Variants in CFAP58 observed in about 807,000 individuals in gnomAD.
The protein encoded by CFAP58 is cilia and flagella associated protein 58.
Under a neutral mutation model 119.5 loss-of-function variants are expected in CFAP58, and 88 were observed. That is an observed-to-expected ratio of 0.74 (90% CI 0.62 to 0.88). CFAP58 has a LOEUF of 0.88. CFAP58 is among the 40% of genes least tolerant of loss of function. The pLI, the probability that CFAP58 is intolerant of heterozygous loss-of-function variation, is 0.00. For missense variants in CFAP58, 990 were observed against 1,021.2 expected (o/e 0.97, Z 0.42); for synonymous variants, 365 against 366.3 (o/e 1.00, Z 0.04).
At chr10:104,448,491 A>G (rs768467153) in intron 16 of CFAP58, among the ~76,000 whole-genome samples, 6 of 152,232 alleles carry the variant, frequency 3.9e-5, no homozygotes, top group Non-Finnish European at 8.8e-5. Context: ...CTAAGCAAGT[A>G]CTTAGCTATT....
At chr10:104,371,649 C>T (rs1272862432) in intron 7 of CFAP58, among the ~76,000 whole-genome samples, 2 of 152,234 alleles carry the variant, frequency 1.3e-5, no homozygotes, top group Non-Finnish European at 2.9e-5. Flanking sequence ...CGTCTCACCA[C>T]ATCTGGTGGT....
chr10:104,399,524 T>G (rs767964835), intron 12 of CFAP58, 24 bp downstream of exon 12: 1 of 1,609,732 alleles, frequency 6.2e-7, no homozygotes, highest in Non-Finnish European at 8.5e-7. Flanking sequence ...TTGTCAGACT[T>G]GCAGACCTTG....
intron 1 of CFAP58, among the ~76,000 whole-genome samples, chr10:104,355,062 T>A (rs76267156): frequency 6.6e-6 from 1 of 152,324 alleles, no homozygotes; most frequent in East Asian, 1.9e-4. Context: ...ATATCATCCA[T>A]CTTCCTCACG....
chr10:104,422,218 A>G (rs1384506195), intron 15 of CFAP58, among the ~76,000 whole-genome samples: 3 of 152,236 alleles, frequency 2.0e-5, no homozygotes, highest in Admixed American at 6.5e-5. Context: ...AAATTTTAGA[A>G]GAGCCTCTAA....
At chr10:104,396,418 G>A (rs12249786) in intron 11 of CFAP58, among the ~76,000 whole-genome samples, 179 of 101,598 alleles carry the variant, frequency 1.8e-3, no homozygotes, top group Middle Eastern at 0.013. Flanking sequence ...GAGAGAGAGA[G>A]AGAGAGAGAG....
chr10:104,428,141 C>T (rs1276941170), intron 15 of CFAP58, among the ~76,000 whole-genome samples: 1 of 152,126 alleles, frequency 6.6e-6, no homozygotes, highest in Non-Finnish European at 1.5e-5. Context: ...TGCAATGTAA[C>T]TCAAAGGGTG....
chr10:104,374,846 CAAAAAAA>C lies in CFAP58; in HGVS notation c.1091-1956_1091-1950del, dbSNP rs56074829. On this transcript the variant is annotated intron_variant, in intron 7 of 17. Coordinates refer to ENST00000369704, the MANE Select transcript of CFAP58 (RefSeq NM_001008723.2). ...TTCACAGGATTATTGCTTATAACTG[CAAAAAAA>C]AAAAAAAAGAAAAAGAAGCAACTTA... is the stretch of plus-strand genomic sequence containing the variant. 5.7e-4 allele frequency among the ~76,000 whole-genome samples: 58 copies of C among 101,514 alleles called. 1 individual carries two copies. Among genetic ancestry groups the C allele is most frequent in the African/African-American group, 2.2e-3 (58 of 26,196 alleles). 66.6% of individuals were successfully genotyped at this position (101,514 alleles called of 152,430 possible).
At chr10:104,447,900 A>C in intron 16 of CFAP58, 83 bp downstream of exon 16, 3 of 1,448,386 alleles carry the variant, frequency 2.1e-6, no homozygotes, top group Non-Finnish European at 1.8e-6. Context: ...CTGACTCCAC[A>C]CAATGAGCCA....
At chr10:104,349,470 C>T (rs1310104529), upstream of CFAP58, among the ~76,000 whole-genome samples, 1 of 152,176 alleles carries the variant, frequency 6.6e-6, no homozygotes, top group East Asian at 1.9e-4. Flanking sequence ...TTTTCCTCTT[C>T]TTGTAAGGAT....
At chr10:104,442,729 A>G (rs1260172842) in intron 15 of CFAP58, among the ~76,000 whole-genome samples, 1 of 152,232 alleles carries the variant, frequency 6.6e-6, no homozygotes, top group Non-Finnish European at 1.5e-5. Flanking sequence ...GTTTGAAACT[A>G]CTTGAACTAT....
At position 104,381,890 on chromosome 10, in the gene CFAP58, C is replaced by T. The variant is rs138299610; in HGVS notation, c.1365+1670C>T. Reference sequence around the variant, plus strand: ...GGAGCAGAGCATATTTCTCTTCTGACTTAACCATCTTAGAAGCTCCAGTGA... The same window carrying T: ...GGAGCAGAGCATATTTCTCTTCTGATTTAACCATCTTAGAAGCTCCAGTGA... On this transcript the variant is annotated intron_variant, in intron 9 of 17. Transcript: ENST00000369704. Among the ~76,000 whole-genome samples, 27 of 152,312 alleles carry T rather than the reference C, an allele frequency of 1.8e-4. No individual in the cohort carries two copies. In the East Asian group the frequency reaches 5.0e-3, roughly 28 times the overall value.
At position 104,368,456 on chromosome 10, in the gene CFAP58, C is replaced by G. The variant is rs369667665; in HGVS notation, c.826C>G (p.Gln276Glu). 4 of 1,613,920 alleles carry G rather than the reference C, an allele frequency of 2.5e-6. No individual in the cohort carries two copies. The highest frequency in any genetic ancestry group is 3.4e-6 in the Non-Finnish European group (4 of 1,179,872). ...TGAGAGAGCTGCAAAGGAACTCGAG[C>G]AATTTCAGATGAGAAATGCTAAACT... ...LNERAAKELEQFQMRNAKLQQ... is the reference protein window; with the variant it reads ...LNERAAKELEEFQMRNAKLQQ... Residue 276 changes from glutamine to glutamate, a missense_variant, in exon 6 of 18, where the codon CAA (glutamine) becomes GAA (glutamate). Transcript: ENST00000369704.
At chr10:104,422,641 CG>C (rs1218977465) in intron 15 of CFAP58, among the ~76,000 whole-genome samples, 1 of 152,104 alleles carries the variant, frequency 6.6e-6, no homozygotes, top group Non-Finnish European at 1.5e-5. Context: ...TGGCAGTTGG[CG>C]AGAGGGAAGT....
chr10:104,404,652 C>T (rs1487214765), intron 14 of CFAP58, among the ~76,000 whole-genome samples: 2 of 152,012 alleles, frequency 1.3e-5, no homozygotes, highest in African/African-American at 4.8e-5. Context: ...CTCTGTCACC[C>T]AGGCTGGAGT....
At chr10:104,359,221 T>C (rs867948231) in intron 2 of CFAP58, among the ~76,000 whole-genome samples, 23 of 152,230 alleles carry the variant, frequency 1.5e-4, no homozygotes, top group African/African-American at 4.8e-4. Flanking sequence ...TGTTCCTTGT[T>C]GACTCATGGT....
intron 15 of CFAP58, among the ~76,000 whole-genome samples, chr10:104,407,765 C>A (rs540592365): frequency 6.6e-6 from 1 of 152,256 alleles, no homozygotes; most frequent in East Asian, 1.9e-4. Flanking sequence ...GGCGCCATCT[C>A]GGTTCACTGC....
chr10:104,361,905 T>A (rs560268401), intron 2 of CFAP58, 118 bp from the exon 3 acceptor site: 1 of 939,658 alleles, frequency 1.1e-6, no homozygotes, highest in African/African-American at 1.7e-5. Flanking sequence ...GTTAAACAAT[T>A]TAGTCAATGC....
rs61732088 is a variant in CFAP58 at position 104,393,447 on chromosome 10, G to A, written c.1646G>A (p.Arg549Gln). The change falls in exon 11 of 18, where the codon CGA (arginine) becomes CAA (glutamine). Residue 549 changes from arginine (R) to glutamine (Q), a missense_variant. Physicochemically the swap from Arg to Gln is conservative, Grantham distance 43. Coordinates refer to ENST00000369704, the MANE Select transcript of CFAP58 (RefSeq NM_001008723.2). ...GTGAAGCTGCACCTGGAACAGCAGC[G>A]AATAGAAAAGGAAAAGGAAACATTG... is the stretch of plus-strand genomic sequence containing the variant. ...ALVKLHLEQQ[R>Q]IEKEKETLKA... The A allele has an allele frequency of 6.2e-5, 100 of 1,613,632 alleles. No homozygotes were observed. Among genetic ancestry groups the A allele is most frequent in the Non-Finnish European group, 7.7e-5 (91 of 1,179,778 alleles).
intron 17 of CFAP58, among the ~76,000 whole-genome samples, chr10:104,453,805 G>A (rs915006957): frequency 7.3e-6 from 1 of 137,874 alleles, no homozygotes; most frequent in African/African-American, 3.1e-5. Flanking sequence ...TGTATTTAAA[G>A]GACATCTATA....
Sources: allele counts gnomAD v4.1 joint callset (sites outside exome capture counted in the v4.1 genomes callset), GRCh38; gene constraint gnomAD v4.1.1; transcripts MANE v1.5; gene names NCBI Gene and HGNC (gene_info 2026-07-23, HGNC 2026-07-21).